OR51B5: variants seen among roughly 807,000 people sequenced by gnomAD.
OR51B5 encodes the protein olfactory receptor family 51 subfamily B member 5, also known as olfactory receptor 51B5.
For missense variants in OR51B5, 456 were observed against 374.6 expected (o/e 1.22, Z -1.79); for synonymous variants, 186 against 144.8 (o/e 1.28, Z -2.04).
intron 1 of OR51B5, chr11:5,455,568 A>AGAGAGGGAGAGAGAGGAAGAGAGAG: frequency 7.4e-6 from 1 of 135,318 alleles, no homozygotes; most frequent in African/African-American, 2.8e-5. Context: ...AAGGGGGGAG[A>AGAGAGGGAGAGAGAGGAAGAGAGAG]GAGAGAGAGA....
intron 1 of OR51B5, chr11:5,351,454 C>CTGAT (rs1849084465): frequency 7.1e-7 from 1 of 1,413,640 alleles, no homozygotes; most frequent in Non-Finnish European, 9.7e-7. Context: ...TTTTATACAA[C>CTGAT]TGATTACTAT....
At chr11:5,505,102 C>G (rs925373889) in intron 1 of OR51B5, among the ~76,000 whole-genome samples, 1 of 152,120 alleles carries the variant, frequency 6.6e-6, no homozygotes, top group South Asian at 2.1e-4. Flanking sequence ...ACATTTCTTC[C>G]CATTAGGTGT....
At chr11:5,454,259 G>A in intron 1 of OR51B5, 1 of 1,614,132 alleles carries the variant, frequency 6.2e-7, no homozygotes, top group Non-Finnish European at 8.5e-7. Context: ...CAATGATTGG[G>A]GTCTCCACAG....
chr11:5,445,330 C>T (rs1052861734), intron 1 of OR51B5, among the ~76,000 whole-genome samples: 1 of 152,080 alleles, frequency 6.6e-6, no homozygotes, highest in African/African-American at 2.4e-5. Context: ...ATTCAGATCT[C>T]CATATTTATT....
At chr11:5,371,946 T>C (rs553541265) in intron 1 of OR51B5, among the ~76,000 whole-genome samples, 1 of 152,278 alleles carries the variant, frequency 6.6e-6, no homozygotes, top group East Asian at 1.9e-4. Flanking sequence ...TTTCTATGCA[T>C]TTGACCTTAT....
chr11:5,451,791 C>T (rs1419766995), intron 1 of OR51B5, among the ~76,000 whole-genome samples: 3 of 152,218 alleles, frequency 2.0e-5, no homozygotes, highest in Non-Finnish European at 2.9e-5. Flanking sequence ...GGAAAAACAG[C>T]GGTATGTAAT....
chr11:5,389,533 T>C lies in OR51B5; in HGVS notation n.85-42623A>G, dbSNP rs377377120. ...ACTGGATTTTCATCCCCTTTTTCTT[T>C]ATGTACATGGTTGCCATCTCAGGCA... On this transcript the variant is annotated intron_variant and non_coding_transcript_variant, in intron 1 of 4. Transcript: ENST00000415970. The C allele has an allele frequency of 6.0e-5, 97 of 1,614,014 alleles. No homozygotes were observed. In the African/African-American group the frequency reaches 1.1e-3, roughly 18 times the overall value.
intron 1 of OR51B5, among the ~76,000 whole-genome samples, chr11:5,374,262 G>A (rs1471043669): frequency 6.6e-6 from 1 of 152,160 alleles, no homozygotes; most frequent in South Asian, 2.1e-4. Context: ...CAGACCTGCA[G>A]CTGAGGGTCC....
At chr11:5,368,224 A>G (rs1030675516) in intron 1 of OR51B5, among the ~76,000 whole-genome samples, 2 of 152,172 alleles carry the variant, frequency 1.3e-5, no homozygotes, top group African/African-American at 4.8e-5. Context: ...ATGCTTCTTC[A>G]TACAGTCTTA....
At chr11:5,405,947 T>A (rs759858210) in intron 1 of OR51B5, among the ~76,000 whole-genome samples, 1 of 152,124 alleles carries the variant, frequency 6.6e-6, no homozygotes, top group African/African-American at 2.4e-5. Flanking sequence ...ACAAGAAGAA[T>A]CATTTCATCA....
chr11:5,370,059 TC>T (rs1256601071), intron 1 of OR51B5, among the ~76,000 whole-genome samples: 1 of 152,072 alleles, frequency 6.6e-6, no homozygotes, highest in African/African-American at 2.4e-5. Context: ...TCCACAAACC[TC>T]TCCTGCCATC....
intron 1 of OR51B5, among the ~76,000 whole-genome samples, chr11:5,377,997 T>G (rs564513314): frequency 1.6e-3 from 243 of 151,292 alleles, no homozygotes; most frequent in Non-Finnish European, 2.5e-3. Context: ...GAGCCTGCAT[T>G]GCCAAGTCAA....
At chr11:5,424,261 A>G (rs1850406587) in intron 1 of OR51B5, among the ~76,000 whole-genome samples, 1 of 152,220 alleles carries the variant, frequency 6.6e-6, no homozygotes, top group Non-Finnish European at 1.5e-5. Context: ...TTGTCACACA[A>G]CCAGGAAGGA....
At chr11:5,396,108 G>C (rs1159567232) in intron 1 of OR51B5, among the ~76,000 whole-genome samples, 3 of 152,152 alleles carry the variant, frequency 2.0e-5, no homozygotes, top group Non-Finnish European at 4.4e-5. Context: ...TGGTCCCAGA[G>C]ACACTGCTCT....
rs187856250 is a variant in OR51B5 at position 5,460,389 on chromosome 11, A to G, written n.84+45180T>C. ...AACCTGCACATGTACCCTTGAACGT[A>G]AAAGTTTTGAAAAAAGAAATTCTTC... On this transcript the variant is annotated intron_variant and non_coding_transcript_variant, in intron 1 of 4. Transcript: ENST00000415970. Among the ~76,000 whole-genome samples, 264 of 152,350 alleles carry G rather than the reference A, an allele frequency of 1.7e-3. 1 individual carries two copies. The highest frequency in any genetic ancestry group is 6.0e-3 in the African/African-American group (249 of 41,574).
chr11:5,361,689 CTT>C lies in OR51B5; in HGVS notation n.85-14781_85-14780del, dbSNP rs1342842015. On this transcript the variant is annotated intron_variant and non_coding_transcript_variant, in intron 1 of 4. Transcript: ENST00000415970. ...TTAGAACTTGGCTTCTGAATAATCT[CTT>C]TTGCAAATTCCTAGAAGAGGGAAAA... 2.0e-5 allele frequency among the ~76,000 whole-genome samples: 3 copies of C among 152,312 alleles called. No homozygotes were observed. The East Asian group carries it at 5.8e-4, about 29-fold the overall frequency.
At chr11:5,343,303 G>A (rs1013601948) in exon 1 of OR51B5, 1 of 1,610,956 alleles carries the variant, frequency 6.2e-7, no homozygotes, top group Non-Finnish European at 8.5e-7. Flanking sequence ...TGGGCATTGT[G>A]GTCAGGGCCA....
intron 1 of OR51B5, among the ~76,000 whole-genome samples, chr11:5,373,432 C>T (rs1849473536): frequency 6.6e-6 from 1 of 152,172 alleles, no homozygotes; most frequent in South Asian, 2.1e-4. Flanking sequence ...GCATTTCCAT[C>T]TGAGGTATGG....
At chr11:5,357,936 G>A (rs79980410) in intron 1 of OR51B5, among the ~76,000 whole-genome samples, 57,139 of 151,002 alleles carry the variant, frequency 0.38, 11,061 homozygotes, top group Non-Finnish European at 0.41. Flanking sequence ...ATGTTCTTTG[G>A]AACCAAAGAG....
Sources: gnomAD v4.1 joint callset for allele counts (sites outside exome capture counted in the v4.1 genomes callset) on GRCh38, gnomAD v4.1.1 for gene constraint, MANE v1.5 for transcripts, NCBI Gene and HGNC (gene_info 2026-07-23, HGNC 2026-07-21) for gene names.